The following NOX4 variants were observed in gnomAD, a reference collection of about 807,000 sequenced individuals.
NOX4 encodes the protein kidney oxidase-1.
NOX4 carries 69 observed loss-of-function variants against 87.6 expected under a neutral mutation model. That is an observed-to-expected ratio of 0.79 (90% CI 0.65 to 0.96). The LOEUF (loss-of-function observed/expected upper bound fraction) is 0.96. Among genes scored for constraint, NOX4 ranks in the 40% least tolerant of loss-of-function variants. The pLI is 0.00. For missense variants in NOX4, 680 were observed against 681.5 expected, an observed-to-expected ratio of 1.00 and a Z score of 0.02; for synonymous variants, 275 against 238.2, an observed-to-expected ratio of 1.15 and a Z score of -1.42.
At chr11:89,541,771 G>C in the NOX4 span, among the ~76,000 whole-genome samples, 1 of 152,056 alleles carries the variant, frequency 6.6e-6, no homozygotes, top group Admixed American at 6.6e-5. Flanking sequence ...AACGTCATTT[G>C]ATAAAAGACA....
chr11:89,501,697 G>A (rs1301407481), upstream of NOX4, among the ~76,000 whole-genome samples: 1 of 152,020 alleles, frequency 6.6e-6, no homozygotes, highest in Admixed American at 6.6e-5. Flanking sequence ...ACCTTCTGAT[G>A]TGGACAGTGG....
the NOX4 span, among the ~76,000 whole-genome samples, chr11:89,516,983 C>T: frequency 8.6e-6 from 1 of 116,852 alleles, no homozygotes; most frequent in Admixed American, 9.2e-5. Context: ...CTTCCTCCTC[C>T]TCCTCCTCCT....
At chr11:89,484,261 G>A (rs1412737517) in intron 2 of NOX4, among the ~76,000 whole-genome samples, 2 of 152,036 alleles carry the variant, frequency 1.3e-5, no homozygotes, top group East Asian at 1.9e-4. Flanking sequence ...ATATCACAAC[G>A]AGGTTAAATA....
intron 12 of NOX4, among the ~76,000 whole-genome samples, chr11:89,366,165 A>G (rs983632401): frequency 6.6e-6 from 1 of 152,126 alleles, no homozygotes; most frequent in African/African-American, 2.4e-5. Flanking sequence ...ATTGATTAAT[A>G]AATTATGTTA....
intron 12 of NOX4, among the ~76,000 whole-genome samples, chr11:89,365,177 C>T (rs1282922511): frequency 6.6e-6 from 1 of 152,072 alleles, no homozygotes; most frequent in Non-Finnish European, 1.5e-5. Flanking sequence ...GTAGACAATG[C>T]AGTATTACAC....
chr11:89,586,170 T>C, the NOX4 span, among the ~76,000 whole-genome samples: 1 of 151,972 alleles, frequency 6.6e-6, no homozygotes, highest in Non-Finnish European at 1.5e-5. Context: ...TCTACCAAAA[T>C]GATCACTCAA....
the NOX4 span, among the ~76,000 whole-genome samples, chr11:89,533,171 A>G: frequency 6.6e-6 from 1 of 152,244 alleles, no homozygotes; most frequent in Non-Finnish European, 1.5e-5. Context: ...TGTGACATAT[A>G]GTAGGCACTT....
In NOX4 at chr11:89,489,737, A is replaced by AAAAAG. The variant is rs1555051666; in HGVS notation, c.153+720_153+721insCTTTT. On this transcript the variant is annotated intron_variant, in intron 2 of 17. Transcript: ENST00000263317. ...AGCAAGACTCTGTCTCAAAAAAAAAAAAAGAAAGAAAGAAAGAAAGAAAAA... is the reference window on the plus strand; with the variant it reads ...AGCAAGACTCTGTCTCAAAAAAAAAAAAAAGAAAGAAAGAAAGAAAGAAAGAAAAA... 4.7e-5 allele frequency among the ~76,000 whole-genome samples: 7 copies of AAAAAG among 149,204 alleles called. No homozygotes were observed. In the East Asian group the frequency reaches 5.9e-4, roughly 13 times the overall value.
intron 8 of NOX4, among the ~76,000 whole-genome samples, chr11:89,418,589 C>A (rs190061072): frequency 6.6e-6 from 1 of 151,618 alleles, no homozygotes. Context: ...AATATCACAA[C>A]GTGAGAAACA....
At chr11:89,572,434 A>C in the NOX4 span, among the ~76,000 whole-genome samples, 4 of 152,240 alleles carry the variant, frequency 2.6e-5, no homozygotes, top group African/African-American at 9.6e-5. Context: ...TTTGAATTTT[A>C]TGAATATACA....
intron 2 of NOX4, among the ~76,000 whole-genome samples, chr11:89,462,164 T>G (rs1945498685): frequency 6.6e-6 from 1 of 151,918 alleles, no homozygotes; most frequent in Non-Finnish European, 1.5e-5. Flanking sequence ...GTAAAAAACT[T>G]AACAAAAAAA....
chr11:89,399,038 G>A (rs908577894), intron 11 of NOX4, among the ~76,000 whole-genome samples: 1 of 151,962 alleles, frequency 6.6e-6, no homozygotes, highest in African/African-American at 2.4e-5. Flanking sequence ...GGATTGGAAA[G>A]TGGGGAAAAA....
At chr11:89,363,083 A>T (rs1938653617) in intron 12 of NOX4, among the ~76,000 whole-genome samples, 1 of 152,104 alleles carries the variant, frequency 6.6e-6, no homozygotes, top group South Asian at 2.1e-4. Context: ...TTATCAAAAG[A>T]TACAAACGCT....
chr11:89,338,591 A>T (rs2135379283), intron 15 of NOX4, among the ~76,000 whole-genome samples: 1 of 152,252 alleles, frequency 6.6e-6, no homozygotes, highest in Non-Finnish European at 1.5e-5. Context: ...CCAGAAAAGC[A>T]CAGACACTAC....
intron 12 of NOX4, among the ~76,000 whole-genome samples, chr11:89,356,873 A>G (rs1317883407): frequency 1.3e-5 from 2 of 151,950 alleles, no homozygotes; most frequent in African/African-American, 4.8e-5. Context: ...AATCATAATA[A>G]CTCCCAGCAG....
Position 89,490,933 on chromosome 11 carries a change from G to A in NOX4, c.57+257C>T, listed in dbSNP as rs3816123. 11 of 705,542 alleles carry A rather than the reference G, an allele frequency of 1.6e-5. No individual in the cohort carries two copies. In the East Asian group the frequency reaches 1.9e-4, roughly 12 times the overall value. 43.7% of individuals were successfully genotyped at this position (705,542 alleles called of 1,614,324 possible). ...GGGTAAAAAGAAAAGCTGTATTCAC[G>A]GAAAATGACCTCTTCCCTCTTCCTC... On this transcript the variant is annotated intron_variant, in intron 1 of 17. Coordinates refer to ENST00000263317, the MANE Select transcript of NOX4 (RefSeq NM_016931.5).
the NOX4 span, among the ~76,000 whole-genome samples, chr11:89,527,709 C>T: frequency 6.6e-6 from 1 of 152,156 alleles, no homozygotes; most frequent in African/African-American, 2.4e-5. Context: ...TGTTTGGGAA[C>T]CTGTGCCTAG....
At chr11:89,517,388 A>G in the NOX4 span, among the ~76,000 whole-genome samples, 1 of 152,080 alleles carries the variant, frequency 6.6e-6, no homozygotes, top group Non-Finnish European at 1.5e-5. Flanking sequence ...TACTTGACCA[A>G]GCAATCCTTC....
chr11:89,442,065 A>G (rs1242237590), intron 5 of NOX4, among the ~76,000 whole-genome samples: 4 of 149,630 alleles, frequency 2.7e-5, no homozygotes, highest in African/African-American at 9.7e-5. Context: ...ACATAAGTAT[A>G]TATACACTTA....
Sources: allele counts gnomAD v4.1 joint callset (sites outside exome capture counted in the v4.1 genomes callset), GRCh38; gene constraint gnomAD v4.1.1; transcripts MANE v1.5; gene names NCBI Gene and HGNC (gene_info 2026-07-23, HGNC 2026-07-21).